OR7E24: variants seen among roughly 807,000 people sequenced by gnomAD.
OR7E24 encodes the protein olfactory receptor family 7 subfamily E member 24, also known as olfactory receptor 7E24.
For synonymous variants in OR7E24, 130 were observed against 157.5 expected (o/e 0.83, Z 1.31); for missense variants, 385 against 410.3 (o/e 0.94, Z 0.53).
At chr19:9,222,337 AATGTTTTT>A in the OR7E24 span, among the ~76,000 whole-genome samples, 3 of 152,182 alleles carry the variant, frequency 2.0e-5, no homozygotes, top group African/African-American at 4.8e-5. Context: ...TTCTGTGAAA[AATGTTTTT>A]ACAATTTTGA....
At chr19:9,237,794 T>G in the OR7E24 span, among the ~76,000 whole-genome samples, 3 of 152,084 alleles carry the variant, frequency 2.0e-5, no homozygotes, top group Non-Finnish European at 4.4e-5. Flanking sequence ...AATTTGTTTG[T>G]TTGGTTCTTA....
chr19:9,208,982 G>A, the OR7E24 span: 1 of 152,252 alleles, frequency 6.6e-6, no homozygotes, highest in Non-Finnish European at 1.5e-5. Context: ...GTGAGGCACT[G>A]TGCCTGGCCT....
chr19:9,221,000 C>T, the OR7E24 span, among the ~76,000 whole-genome samples: 1 of 152,052 alleles, frequency 6.6e-6, no homozygotes, highest in African/African-American at 2.4e-5. Context: ...TTGGGCCGGG[C>T]GCAGTGGCTC....
the OR7E24 span, among the ~76,000 whole-genome samples, chr19:9,233,238 A>G: frequency 6.6e-6 from 1 of 152,218 alleles, no homozygotes; most frequent in Non-Finnish European, 1.5e-5. Flanking sequence ...TTAGTTAAAT[A>G]TCTCTAGGCA....
chr19:9,237,265 C>G, the OR7E24 span, among the ~76,000 whole-genome samples: 1 of 151,898 alleles, frequency 6.6e-6, no homozygotes, highest in Non-Finnish European at 1.5e-5. Flanking sequence ...GTCTCTCCCT[C>G]CTTCCTTTCC....
chr19:9,232,990 AC>A, the OR7E24 span, among the ~76,000 whole-genome samples: 86 of 151,498 alleles, frequency 5.7e-4, 1 homozygote, highest in South Asian at 1.5e-3. Flanking sequence ...TCACGCTCTG[AC>A]CCCCCTAACC....
the OR7E24 span, among the ~76,000 whole-genome samples, chr19:9,239,938 T>C: frequency 6.6e-6 from 1 of 151,852 alleles, no homozygotes; most frequent in Non-Finnish European, 1.5e-5. Flanking sequence ...CGAACTGACC[T>C]CAAGTGATAC....
At chr19:9,207,426 A>T in the OR7E24 span, 1 of 152,210 alleles carries the variant, frequency 6.6e-6, no homozygotes, top group Non-Finnish European at 1.5e-5. Context: ...TGAAAAGACA[A>T]ATATGGCATG....
the OR7E24 span, among the ~76,000 whole-genome samples, chr19:9,238,932 A>C: frequency 6.6e-6 from 1 of 152,170 alleles, no homozygotes; most frequent in African/African-American, 2.4e-5. Context: ...ATGAGTCCTT[A>C]GGTTGATTCC....
At chr19:9,214,722 A>AC in the OR7E24 span, 1 of 1,613,988 alleles carries the variant, frequency 6.2e-7, no homozygotes, top group East Asian at 2.2e-5. Context: ...GTTCCCCAGC[A>AC]CCGTGACCAG....
chr19:9,243,296 A>T (rs1264406486), upstream of OR7E24, among the ~76,000 whole-genome samples: 1 of 151,490 alleles, frequency 6.6e-6, no homozygotes, highest in Non-Finnish European at 1.5e-5. Context: ...TCCCCAATGC[A>T]TGGTGGCAGA....
At chr19:9,245,089 C>T (rs2066125495), upstream of OR7E24, among the ~76,000 whole-genome samples, 1 of 152,044 alleles carries the variant, frequency 6.6e-6, no homozygotes, top group South Asian at 2.1e-4. Flanking sequence ...GTGGCCTGCA[C>T]CTATAGTCCC....
chr19:9,242,611 A>G (rs571626175), upstream of OR7E24, among the ~76,000 whole-genome samples: 11 of 152,328 alleles, frequency 7.2e-5, no homozygotes, highest in African/African-American at 2.6e-4. Context: ...GAAGAAGCAG[A>G]TAGAGGTGAA....
the OR7E24 span, among the ~76,000 whole-genome samples, chr19:9,227,174 C>T: frequency 1.3e-5 from 2 of 152,076 alleles, no homozygotes; most frequent in South Asian, 4.1e-4. Context: ...CATTACTTTG[C>T]TAAGGATAAT....
the OR7E24 span, among the ~76,000 whole-genome samples, chr19:9,224,350 C>T: frequency 8.6e-4 from 131 of 152,164 alleles, 10 homozygotes. Flanking sequence ...CCCATATCTA[C>T]AGGACTTGGT....
At chr19:9,224,767 C>A in the OR7E24 span, among the ~76,000 whole-genome samples, 1,131 of 128,204 alleles carry the variant, frequency 8.8e-3, 8 homozygotes, top group African/African-American at 0.026. Flanking sequence ...TTGGTCAAAA[C>A]AAAAAAAAAA....
the OR7E24 span, chr19:9,214,492 C>T: frequency 1.7e-5 from 27 of 1,614,048 alleles, 1 homozygote; most frequent in South Asian, 3.0e-4. Context: ...GCCATCACGG[C>T]CAGTAGGAAA....
At chr19:9,243,857 G>A (rs2066122512), upstream of OR7E24, among the ~76,000 whole-genome samples, 1 of 152,214 alleles carries the variant, frequency 6.6e-6, no homozygotes, top group Admixed American at 6.5e-5. Context: ...CAGAGACCAG[G>A]GAAGGAGGGG....
At chr19:9,208,332 A>T in the OR7E24 span, 1 of 152,142 alleles carries the variant, frequency 6.6e-6, no homozygotes, top group Non-Finnish European at 1.5e-5. Context: ...CCGCGTGCCC[A>T]GCCCTGGTTT....
Sources: allele counts gnomAD v4.1 joint callset (sites outside exome capture counted in the v4.1 genomes callset), GRCh38; gene constraint gnomAD v4.1.1; transcripts MANE v1.5; gene names NCBI Gene and HGNC (gene_info 2026-07-23, HGNC 2026-07-21).